PCDHGA9: variants seen among roughly 807,000 people sequenced by gnomAD.
PCDHGA9 encodes protocadherin gamma-A9.
PCDHGA9 carries 37 observed loss-of-function variants against 62.5 expected under a neutral mutation model. The ratio of observed to expected loss-of-function variants is 0.59; its 90% CI spans 0.46 to 0.78. PCDHGA9 has a LOEUF of 0.78. Among genes scored for constraint, PCDHGA9 ranks in the 30% least tolerant of loss-of-function variants. PCDHGA9 has a pLI of 0.00. For missense variants in PCDHGA9, 1,138 were observed against 1,166.2 expected, an observed-to-expected ratio of 0.98 and a Z score of 0.35; for synonymous variants, 459 against 484.6, an observed-to-expected ratio of 0.95 and a Z score of 0.69.
intron 3 of PCDHGA9, chr5:141,507,313 T>TAC (rs1554192306): frequency 6.7e-6 from 1 of 150,168 alleles, no homozygotes. Context: ...CATAATGTAC[T>TAC]AAAAAAAAAA....
rs778054090 is a variant in PCDHGA9 at position 141,505,509 on chromosome 5, G to C, written c.2572+28G>C. On this transcript the variant is annotated intron_variant, in intron 3 of 3. Coordinates refer to ENST00000573521, the MANE Select transcript of PCDHGA9 (RefSeq NM_018921.3). ...AAGTGGTGTCAGTGTGTGTATGGAA[G>C]AGTGGGAGACCTGGGGTTCTGGGGT... The C allele has an allele frequency of 3.7e-6, 6 of 1,614,058 alleles. No homozygotes were observed. The East Asian group carries it at 1.1e-4, about 30-fold the overall frequency.
intron 2 of PCDHGA9, among the ~76,000 whole-genome samples, chr5:141,505,122 A>G (rs2099843899): frequency 6.6e-6 from 1 of 152,194 alleles, no homozygotes; most frequent in Non-Finnish European, 1.5e-5. Context: ...AGATCGCGCC[A>G]CTGCACTCCA....
chr5:141,418,677 T>A (rs1717013168), intron 1 of PCDHGA9: 1 of 1,613,930 alleles, frequency 6.2e-7, no homozygotes, highest in African/African-American at 1.3e-5. Flanking sequence ...GACGAGGGCA[T>A]CAACTCAGAG....
At position 141,423,386 on chromosome 5, in the gene PCDHGA9, G is replaced by C; in HGVS notation, c.2424+18010G>C. ...CTGCTGGCACTCAGGCTGTGGCGCT[G>C]GCATAAGTCACGCCTGCTGCAGGCT... On this transcript the variant is annotated intron_variant, in intron 1 of 3. Transcript: ENST00000573521. The C allele has an allele frequency of 1.9e-6, 3 of 1,614,160 alleles. No homozygotes were observed. The South Asian group carries it at 3.3e-5, about 18-fold the overall frequency.
At chr5:141,446,202 G>T (rs780900822) in intron 1 of PCDHGA9, among the ~76,000 whole-genome samples, 13 of 152,094 alleles carry the variant, frequency 8.5e-5, no homozygotes, top group Non-Finnish European at 1.8e-4. Context: ...ATATTCCTAG[G>T]TGTCTGAAAA....
chr5:141,403,613 C>T lies in PCDHGA9; in HGVS notation c.661C>T (p.Arg221Cys), dbSNP rs769394271. Residue 221 changes from arginine (R) to cysteine (C), a missense_variant, in exon 1 of 4, where the codon CGT becomes TGT. By Grantham distance (180) the Arg-to-Cys change is radical. Transcript: ENST00000573521. ...CACGGCCTCGGATGGCGGCGAGCCG[C>T]GTCGCTCCAGCACAGTGCGCATCCA... ...VLTASDGGEP[R>C]RSSTVRIHVT... is the part of the protein sequence containing the mutation. The T allele has an allele frequency of 3.5e-5, 56 of 1,613,778 alleles. No homozygotes were observed. Among genetic ancestry groups the T allele is most frequent in the Non-Finnish European group, 4.7e-5 (55 of 1,179,908 alleles).
intron 1 of PCDHGA9, among the ~76,000 whole-genome samples, chr5:141,435,743 G>T (rs3805699): frequency 0.11 from 17,212 of 152,168 alleles, 1,160 homozygotes; most frequent in African/African-American, 0.18. Context: ...TCTTTGAAAA[G>T]CATTGCTTGA....
chr5:141,496,146 G>T (rs749790409), intron 2 of PCDHGA9, among the ~76,000 whole-genome samples: 1 of 151,170 alleles, frequency 6.6e-6, no homozygotes, highest in South Asian at 2.1e-4. Flanking sequence ...GCCTTTGATC[G>T]CAGCTCTCCA....
chr5:141,413,224 C>G, intron 1 of PCDHGA9: 1 of 1,613,790 alleles, frequency 6.2e-7, no homozygotes, highest in Non-Finnish European at 8.5e-7. Context: ...TTGCAGCGGG[C>G]TGGTCCTGCT....
At chr5:141,417,972 C>T (rs2154547391) in intron 1 of PCDHGA9, 2 of 1,613,830 alleles carry the variant, frequency 1.2e-6, no homozygotes, top group Admixed American at 1.7e-5. Flanking sequence ...TACTCGATTC[C>T]GGAGGAGCTG....
chr5:141,425,248 G>T (rs954872490), intron 1 of PCDHGA9, among the ~76,000 whole-genome samples: 2 of 152,178 alleles, frequency 1.3e-5, no homozygotes, highest in Admixed American at 1.3e-4. Context: ...AAAAGGATAT[G>T]AGGTATTTGG....
intron 3 of PCDHGA9, among the ~76,000 whole-genome samples, chr5:141,506,444 C>CA (rs1219684339): frequency 0.017 from 1,570 of 94,842 alleles, 20 homozygotes; most frequent in African/African-American, 0.048. Flanking sequence ...CGCTCTGTCT[C>CA]AAAAAAAAAA....
At chr5:141,469,700 T>TA (rs1483261429) in intron 1 of PCDHGA9, among the ~76,000 whole-genome samples, 1 of 152,272 alleles carries the variant, frequency 6.6e-6, no homozygotes, top group African/African-American at 2.4e-5. Context: ...TATGACCTAG[T>TA]AATCACACTA....
intron 1 of PCDHGA9, chr5:141,410,110 C>A (rs1361292941): frequency 6.2e-7 from 1 of 1,612,540 alleles, no homozygotes; most frequent in Admixed American, 1.7e-5. Flanking sequence ...GCGACAGGGA[C>A]GCAGCCCGCC....
In PCDHGA9 at chr5:141,431,739, A is replaced by G; in HGVS notation, c.2424+26363A>G. 3.1e-6 allele frequency: 5 copies of G among 1,614,240 alleles called. No homozygotes were observed. Among genetic ancestry groups the G allele is most frequent in the Non-Finnish European group, 3.4e-6 (4 of 1,180,048 alleles). Reference sequence around the variant, plus strand: ...GTGCAAGCAATGGATAATGCAGGATATTCTGCGCGAGCCAAAGTCCTGATC... The same window carrying G: ...GTGCAAGCAATGGATAATGCAGGATGTTCTGCGCGAGCCAAAGTCCTGATC... On this transcript the variant is annotated intron_variant, in intron 1 of 3. Transcript: ENST00000573521. The surrounding 1 kb of genome is among the most constrained non-coding windows in gnomAD (Gnocchi z 4.8).
chr5:141,455,550 G>C lies in PCDHGA9; in HGVS notation c.2425-39257G>C, dbSNP rs1195359804. On this transcript the variant is annotated intron_variant, in intron 1 of 3. Transcript: ENST00000573521. ...ACCAGGCATATCATTCACGTAGCCC[G>C]AGAAAAAGCTGGCCCTCCCACCCCA... 2.0e-5 allele frequency among the ~76,000 whole-genome samples: 3 copies of C among 152,138 alleles called. No individual in the cohort carries two copies. In the South Asian group the frequency reaches 6.2e-4, roughly 32 times the overall value.
Position 141,431,690 on chromosome 5 carries a change from G to A in PCDHGA9, c.2424+26314G>A. 1.2e-6 allele frequency: 2 copies of A among 1,614,234 alleles called. No individual in the cohort carries two copies. Among genetic ancestry groups the A allele is most frequent in the Non-Finnish European group, 8.5e-7 (1 of 1,180,040 alleles). On this transcript the variant is annotated intron_variant, in intron 1 of 3. Coordinates refer to ENST00000573521, the MANE Select transcript of PCDHGA9 (RefSeq NM_018921.3). The surrounding 1 kb of genome is among the most constrained non-coding windows in gnomAD (Gnocchi z 4.8). ...AACAATAGGGGAGTTGGACCACGAG[G>A]AGTCAGGATTCTACCAGATGGAAGT... is the stretch of plus-strand genomic sequence containing the variant.
intron 1 of PCDHGA9, among the ~76,000 whole-genome samples, chr5:141,449,588 C>CA (rs768743917): frequency 0.036 from 2,064 of 56,756 alleles, 20 homozygotes; most frequent in Middle Eastern, 0.06. Context: ...GACTCTGTCT[C>CA]AAAAAAAAAA....
chr5:141,507,478 C>A (rs933478897), intron 3 of PCDHGA9, among the ~76,000 whole-genome samples: 3 of 152,158 alleles, frequency 2.0e-5, no homozygotes, highest in Non-Finnish European at 4.4e-5. Context: ...GGACTGCTGG[C>A]CTCCTGAGGC....
Sources: allele counts gnomAD v4.1 joint callset (sites outside exome capture counted in the v4.1 genomes callset), GRCh38; gene constraint gnomAD v4.1.1; non-coding constraint Gnocchi (gnomAD v3.1); transcripts MANE v1.5; gene names NCBI Gene and HGNC (gene_info 2026-07-23, HGNC 2026-07-21).